The following BNC2 variants were observed in gnomAD, a reference collection of about 807,000 sequenced individuals.
BNC2 encodes the protein zinc finger protein basonuclin-2.
BNC2 carries 20 observed loss-of-function variants against 76.3 expected under a neutral mutation model. That is an observed-to-expected ratio of 0.26 (90% confidence interval 0.18 to 0.38). BNC2 has a LOEUF of 0.38. Ranked by LOEUF, BNC2 falls within the 10% of genes least tolerant of loss-of-function variation. BNC2 has a pLI of 1.00. For missense variants in BNC2, 1,382 were observed against 1,399.8 expected, an observed-to-expected ratio of 0.99 and a Z score of 0.20; for synonymous variants, 582 against 514.8, an observed-to-expected ratio of 1.13 and a Z score of -1.77.
chr9:16,866,641 G>C (rs1819550933), intron 1 of BNC2, among the ~76,000 whole-genome samples: 1 of 121,590 alleles, frequency 8.2e-6, no homozygotes, highest in African/African-American at 3.2e-5. Context: ...CTTGTAGAAA[G>C]TTCTTTTGCT....
intron 3 of BNC2, among the ~76,000 whole-genome samples, chr9:16,644,873 A>G (rs1215104597): frequency 6.6e-6 from 1 of 152,118 alleles, no homozygotes; most frequent in Non-Finnish European, 1.5e-5. Flanking sequence ...TTAGGTACTT[A>G]CTTTGCTTTT....
At chr9:16,504,677 T>C (rs1035348144) in intron 5 of BNC2, among the ~76,000 whole-genome samples, 3 of 152,154 alleles carry the variant, frequency 2.0e-5, no homozygotes, top group Non-Finnish European at 2.9e-5. Flanking sequence ...CATCCTGCGC[T>C]AACAAATTAG....
chr9:16,697,218 C>T (rs924239690), intron 3 of BNC2, among the ~76,000 whole-genome samples: 1 of 151,892 alleles, frequency 6.6e-6, no homozygotes, highest in East Asian at 1.9e-4. Flanking sequence ...ATTAGCTGGG[C>T]GTGGTGGCAC....
At chr9:16,587,419 G>GGCAGAGTTTTCACTGATATTCTGC (rs1819803758) in intron 3 of BNC2, among the ~76,000 whole-genome samples, 1 of 151,974 alleles carries the variant, frequency 6.6e-6, no homozygotes, top group Admixed American at 6.6e-5. Context: ...CAAGTTATAG[G>GGCAGAGTTTTCACTGATATTCTGC]GCAGAGTTTT....
At chr9:16,474,382 GA>G (rs574527726) in intron 5 of BNC2, among the ~76,000 whole-genome samples, 442 of 152,330 alleles carry the variant, frequency 2.9e-3, no homozygotes, top group Non-Finnish European at 5.0e-3. Flanking sequence ...AATGAAGGGA[GA>G]AAAGTGTTCA....
At chr9:16,829,499 A>T (rs1234399347) in intron 1 of BNC2, among the ~76,000 whole-genome samples, 4 of 152,224 alleles carry the variant, frequency 2.6e-5, no homozygotes, top group Non-Finnish European at 5.9e-5. Context: ...TCCCTAACCC[A>T]AAACATTTTT....
chr9:16,717,202 C>A (rs1237155615), intron 3 of BNC2, among the ~76,000 whole-genome samples: 1 of 152,122 alleles, frequency 6.6e-6, no homozygotes, highest in South Asian at 2.1e-4. Flanking sequence ...CCATTTCTTA[C>A]GATGCATCTG....
At chr9:16,464,340 A>G (rs1442892426) in intron 5 of BNC2, among the ~76,000 whole-genome samples, 1 of 152,086 alleles carries the variant, frequency 6.6e-6, no homozygotes, top group African/African-American at 2.4e-5. Context: ...CATTCAGGTC[A>G]TTAGGATTAA....
intron 5 of BNC2, among the ~76,000 whole-genome samples, chr9:16,467,688 C>T (rs1435427699): frequency 7.6e-6 from 1 of 132,066 alleles, no homozygotes; most frequent in Non-Finnish European, 1.6e-5. Flanking sequence ...GTGGTGGGGT[C>T]GTGGGAGGGG....
intron 1 of BNC2, among the ~76,000 whole-genome samples, chr9:16,810,780 C>T (rs929190246): frequency 6.6e-6 from 1 of 152,226 alleles, no homozygotes; most frequent in Non-Finnish European, 1.5e-5. Flanking sequence ...TACCCTACCT[C>T]AGAGTTCCAT....
At chr9:16,610,375 C>A (rs548710845) in intron 3 of BNC2, among the ~76,000 whole-genome samples, 1 of 152,128 alleles carries the variant, frequency 6.6e-6, no homozygotes, top group South Asian at 2.1e-4. Context: ...AACATCTTTC[C>A]TTAAATACCC....
chr9:16,419,537 C>G lies in BNC2; in HGVS notation c.2752G>C (p.Val918Leu), dbSNP rs756964014. 4.3e-6 allele frequency: 7 copies of G among 1,613,966 alleles called. 1 individual carries two copies. In the African/African-American group the frequency reaches 6.7e-5, roughly 15 times the overall value. ...LSKDLRDEFLVKIYGAQHPMG... is the reference protein window; with the variant it reads ...LSKDLRDEFLLKIYGAQHPMG... The stretch of plus-strand genomic sequence containing the variant: ...GGGTGCTGGGCACCATATATCTTCA[C>G]CAAAAATTCATCGCGGAGGTCCTTG... Residue 918 changes from valine (V) to leucine (L), a missense_variant, in exon 7 of 7, where the codon GTG (valine) becomes CTG (leucine). By Grantham distance (32) the Val-to-Leu change is conservative. Around this residue, in one of 3 missense-constraint regions of BNC2, gnomAD observed 798 missense variants for 775.5 expected, o/e 1.03. Coordinates refer to ENST00000380672, the MANE Select transcript of BNC2 (RefSeq NM_017637.6).
intron 3 of BNC2, among the ~76,000 whole-genome samples, chr9:16,665,372 A>AT (rs1822241965): frequency 3.4e-5 from 1 of 29,632 alleles, no homozygotes; most frequent in African/African-American, 1.0e-4. Flanking sequence ...CTCTGTCTCA[A>AT]AAAAAAAAAA....
At chr9:16,548,531 A>T (rs1818559870) in intron 5 of BNC2, among the ~76,000 whole-genome samples, 1 of 151,750 alleles carries the variant, frequency 6.6e-6, no homozygotes, top group Non-Finnish European at 1.5e-5. Context: ...TCAGCTTCCC[A>T]AGTAGCTGGG....
intron 1 of BNC2, among the ~76,000 whole-genome samples, chr9:16,800,799 AAC>A (rs1169732940): frequency 6.6e-6 from 1 of 152,242 alleles, no homozygotes; most frequent in Non-Finnish European, 1.5e-5. Flanking sequence ...ATGTATTTTC[AAC>A]AGTTTTTAAA....
chr9:16,751,958 G>C lies in BNC2; in HGVS notation c.4-13473C>G, dbSNP rs576082578. Among the ~76,000 whole-genome samples the C allele has an allele frequency of 3.3e-5, 5 of 152,168 alleles. No individual in the cohort carries two copies. The East Asian group carries it at 9.7e-4, about 30-fold the overall frequency. On this transcript the variant is annotated intron_variant, in intron 1 of 6. Coordinates refer to ENST00000380672, the MANE Select transcript of BNC2 (RefSeq NM_017637.6). ...GCAAAAGAATTGCTTGAATCCGGGA[G>C]GCAGAGGTTGCAGTGAGCCCAGATC...
rs79123708 is a variant in BNC2 at position 16,425,941 on chromosome 9, T to C, written c.2640-6292A>G. On this transcript the variant is annotated intron_variant, in intron 6 of 6. Transcript: ENST00000380672. The stretch of plus-strand genomic sequence containing the variant: ...GCCCCATTCCCTAACCATTTTACTT[T>C]TGAGTTGTATCTGAGACATCGAGGC... Among the ~76,000 whole-genome samples, 425 of 152,346 alleles carry C rather than the reference T, an allele frequency of 2.8e-3. 3 individuals are homozygous for C. Among genetic ancestry groups the C allele is most frequent in the African/African-American group, 9.8e-3 (407 of 41,598 alleles).
At chr9:16,743,734 G>C (rs954954001) in intron 1 of BNC2, among the ~76,000 whole-genome samples, 2 of 152,216 alleles carry the variant, frequency 1.3e-5, no homozygotes, top group Admixed American at 1.3e-4. Flanking sequence ...CCATTCACAT[G>C]ATGGGTATAG....
chr9:16,517,161 T>TACACAAC (rs1216977314), intron 5 of BNC2, among the ~76,000 whole-genome samples: 1 of 152,230 alleles, frequency 6.6e-6, no homozygotes, highest in Non-Finnish European at 1.5e-5. Flanking sequence ...TTGAGGGTTA[T>TACACAAC]TTACTGTTGT....
Sources: gnomAD v4.1 joint callset for allele counts (sites outside exome capture counted in the v4.1 genomes callset) on GRCh38, gnomAD v4.1.1 for gene constraint, gnomAD v4.1.1 regional missense constraint, MANE v1.5 for transcripts, NCBI Gene and HGNC (gene_info 2026-07-23, HGNC 2026-07-21) for gene names.